Variants in SLC35F3 observed in about 807,000 individuals in gnomAD.
SLC35F3 encodes the protein solute carrier family 35 member F3.
A neutral mutation model predicts 49.9 loss-of-function variants in SLC35F3; 25 were observed. That is an observed-to-expected ratio of 0.50 (90% CI 0.37 to 0.70). The LOEUF is 0.70. Among genes scored for constraint, SLC35F3 ranks in the 30% least tolerant of loss-of-function variants. The pLI, the probability that SLC35F3 is intolerant of heterozygous loss-of-function variation, is 0.00. For synonymous variants in SLC35F3, 275 were observed against 265.4 expected, an observed-to-expected ratio of 1.04 and a Z score of -0.35; for missense variants, 525 against 639.8, an observed-to-expected ratio of 0.82 and a Z score of 1.94.
chr1:234,227,455 G>A (rs1244241111), intron 2 of SLC35F3, among the ~76,000 whole-genome samples: 1 of 138,616 alleles, frequency 7.2e-6, no homozygotes, highest in East Asian at 2.4e-4. Flanking sequence ...CTGGAGTCCA[G>A]TGGCGCAATC....
Position 233,905,646 on chromosome 1 carries a change from G to C in SLC35F3, c.171G>C (p.Ser57=), listed in dbSNP as rs1469433440. The change falls in exon 2 of 8, where the codon TCG becomes TCC. Residue 57 remains serine, a synonymous_variant. Coordinates refer to ENST00000366618, the MANE Select transcript of SLC35F3 (RefSeq NM_173508.4). ...CGATTAAGGAGGATCTGAAATGGTCGCGCTCCGTGGAGGATCTCACCAGCG... is the reference window on the plus strand; with the variant it reads ...CGATTAAGGAGGATCTGAAATGGTCCCGCTCCGTGGAGGATCTCACCAGCG... ...DEAIKEDLKW[S]RSVEDLTSGP... The C allele has an allele frequency of 1.2e-6, 2 of 1,614,032 alleles. No homozygotes were observed. Among genetic ancestry groups the C allele is most frequent in the Non-Finnish European group, 1.7e-6 (2 of 1,180,034 alleles).
chr1:233,971,572 T>A (rs1311033575), intron 2 of SLC35F3, among the ~76,000 whole-genome samples: 2 of 151,878 alleles, frequency 1.3e-5, no homozygotes, highest in African/African-American at 4.8e-5. Context: ...ATACAAAAAT[T>A]AGCCAGCGTG....
Position 234,254,794 on chromosome 1 carries a change from G to A in SLC35F3, c.608+23053G>A, listed in dbSNP as rs533956045. Among the ~76,000 whole-genome samples the A allele has an allele frequency of 1.2e-4, 19 of 152,280 alleles. No individual in the cohort carries two copies. In the South Asian group the frequency reaches 3.9e-3, roughly 32 times the overall value. ...GTTTGTAAGCACTTAATAAACAAAGGTGTTGCTAGAAGCAAGCATAATTTC... is the reference window on the plus strand; with the variant it reads ...GTTTGTAAGCACTTAATAAACAAAGATGTTGCTAGAAGCAAGCATAATTTC... On this transcript the variant is annotated intron_variant, in intron 3 of 7. Transcript: ENST00000366618.
Position 234,007,212 on chromosome 1 carries a change from T to C in SLC35F3, c.283+101454T>C, listed in dbSNP as rs146251195. Among the ~76,000 whole-genome samples the C allele has an allele frequency of 4.0e-3, 615 of 152,190 alleles. 5 individuals carry two copies. Among genetic ancestry groups the C allele is most frequent in the African/African-American group, 0.012 (478 of 41,502 alleles). ...AAGCAAATTATTAATATATAATAGC[T>C]AGAAGGTAAGTGATATGGAAAAGGA... is the stretch of plus-strand genomic sequence containing the variant. On this transcript the variant is annotated intron_variant, in intron 2 of 7. Coordinates refer to ENST00000366618, the MANE Select transcript of SLC35F3 (RefSeq NM_173508.4).
At chr1:234,309,633 G>A (rs1380048201) in intron 4 of SLC35F3, among the ~76,000 whole-genome samples, 1 of 152,232 alleles carries the variant, frequency 6.6e-6, no homozygotes, top group African/African-American at 2.4e-5. Flanking sequence ...CGCTCTCTGC[G>A]TGCTCACCCC....
At chr1:234,252,778 G>T (rs140268379) in intron 3 of SLC35F3, among the ~76,000 whole-genome samples, 68 of 152,236 alleles carry the variant, frequency 4.5e-4, no homozygotes, top group African/African-American at 1.5e-3. Flanking sequence ...CAGTACTCAC[G>T]ACACTGATAA....
intron 2 of SLC35F3, among the ~76,000 whole-genome samples, chr1:234,092,983 A>G (rs1665065992): frequency 6.6e-6 from 1 of 152,208 alleles, no homozygotes; most frequent in Non-Finnish European, 1.5e-5. Flanking sequence ...TCATTCATTT[A>G]TGCTTCTAAA....
intron 2 of SLC35F3, among the ~76,000 whole-genome samples, chr1:233,929,352 G>A (rs1662207320): frequency 6.6e-6 from 1 of 152,096 alleles, no homozygotes; most frequent in Non-Finnish European, 1.5e-5. Flanking sequence ...AACTTTTAAT[G>A]CGTCTAAGAT....
At chr1:234,279,950 A>G (rs1159460320) in intron 3 of SLC35F3, among the ~76,000 whole-genome samples, 3 of 152,182 alleles carry the variant, frequency 2.0e-5, no homozygotes, top group Non-Finnish European at 4.4e-5. Flanking sequence ...ATCAGATAGG[A>G]TAACTCAATT....
At chr1:234,079,102 G>GA (rs1664838422) in intron 2 of SLC35F3, among the ~76,000 whole-genome samples, 1 of 112,828 alleles carries the variant, frequency 8.9e-6, no homozygotes, top group African/African-American at 4.0e-5. Context: ...TCAAGACAGT[G>GA]TGCTGCTGGT....
At chr1:234,127,822 A>G (rs558643783) in intron 2 of SLC35F3, among the ~76,000 whole-genome samples, 91 of 152,348 alleles carry the variant, frequency 6.0e-4, no homozygotes, top group African/African-American at 2.1e-3. Context: ...GGGGAAGATT[A>G]TGTGTTGCCT....
chr1:234,082,173 G>A (rs1375128912), intron 2 of SLC35F3, among the ~76,000 whole-genome samples: 1 of 152,046 alleles, frequency 6.6e-6, no homozygotes, highest in East Asian at 1.9e-4. Flanking sequence ...GCCAGCAGAA[G>A]TGTTCTTATA....
intron 2 of SLC35F3, among the ~76,000 whole-genome samples, chr1:234,050,175 AT>A (rs1664353852): frequency 6.6e-6 from 1 of 152,222 alleles, no homozygotes; most frequent in South Asian, 2.1e-4. Flanking sequence ...GCTGGGTCAA[AT>A]GGTATTTCTA....
chr1:234,094,471 G>A (rs1021290093), intron 2 of SLC35F3, among the ~76,000 whole-genome samples: 3 of 152,248 alleles, frequency 2.0e-5, no homozygotes, highest in Non-Finnish European at 4.4e-5. Flanking sequence ...TGTTATCAGA[G>A]AGGCTGTCTT....
intron 2 of SLC35F3, among the ~76,000 whole-genome samples, chr1:234,152,406 C>T (rs990860389): frequency 5.3e-5 from 8 of 151,900 alleles, no homozygotes; most frequent in African/African-American, 1.7e-4. Flanking sequence ...ACTGACAGGC[C>T]CCGGTGTTCC....
intron 3 of SLC35F3, among the ~76,000 whole-genome samples, chr1:234,240,871 G>T (rs1667544652): frequency 6.6e-6 from 1 of 152,184 alleles, no homozygotes; most frequent in African/African-American, 2.4e-5. Context: ...TCTTGGCAGA[G>T]ATGAACTTTG....
chr1:234,189,531 A>G (rs901901056), intron 2 of SLC35F3, among the ~76,000 whole-genome samples: 7 of 151,828 alleles, frequency 4.6e-5, no homozygotes, highest in African/African-American at 1.7e-4. Flanking sequence ...AAAAAAAAGA[A>G]TTTTTAAAAA....
chr1:233,987,590 A>G (rs569809272), intron 2 of SLC35F3, among the ~76,000 whole-genome samples: 1 of 152,192 alleles, frequency 6.6e-6, no homozygotes, highest in Non-Finnish European at 1.5e-5. Context: ...GTCTTACAAT[A>G]ATATGACTTG....
rs1572056212 is a variant in SLC35F3, at chr1:234,111,504, G to C, written c.284-119913G>C. Among the ~76,000 whole-genome samples the C allele has an allele frequency of 4.6e-5, 7 of 152,300 alleles. No individual in the cohort carries two copies. In the South Asian group the frequency reaches 1.5e-3, roughly 32 times the overall value. Reference sequence around the variant, plus strand: ...ACGGGGGTCTCACCATGCTGGCCAGGCTGGTCTCGAACTCCTGACCTCAGG... The same window carrying C: ...ACGGGGGTCTCACCATGCTGGCCAGCCTGGTCTCGAACTCCTGACCTCAGG... On this transcript the variant is annotated intron_variant, in intron 2 of 7. Transcript: ENST00000366618.
Sources: gnomAD v4.1 joint callset for allele counts (sites outside exome capture counted in the v4.1 genomes callset) on GRCh38, gnomAD v4.1.1 for gene constraint, MANE v1.5 for transcripts, NCBI Gene and HGNC (gene_info 2026-07-23, HGNC 2026-07-21) for gene names.